Variants in GREB1L observed in about 807,000 individuals in gnomAD.
The protein encoded by GREB1L is GREB1-like protein.
A neutral mutation model predicts 200.8 loss-of-function variants in GREB1L; 17 were observed. The observed-to-expected ratio is 0.08, with a 90% confidence interval of 0.06 to 0.13. The LOEUF (loss-of-function observed/expected upper bound fraction) is 0.13. Among genes scored for constraint, GREB1L ranks in the 10% least tolerant of loss-of-function variants. The pLI, the probability that GREB1L is intolerant of heterozygous loss-of-function variation, is 1.00. For missense variants in GREB1L, 1,657 were observed against 2,367.7 expected (o/e 0.70, Z 6.23); for synonymous variants, 789 against 893.0 (o/e 0.88, Z 2.08).
In GREB1L at chr18:21,523,076, T is replaced by C; in HGVS notation, c.*255T>C. On this transcript the variant is annotated 3_prime_UTR_variant, in exon 33 of 33. Coordinates refer to ENST00000424526, the MANE Select transcript of GREB1L (RefSeq NM_001142966.3). ...TTATGCAATTACTTAAGATACGGTC[T>C]GCCCATGGGATCCTGAGGAGGATAT... The C allele has an allele frequency of 2.8e-6, 1 of 352,168 alleles. No individual in the cohort carries two copies. Among genetic ancestry groups the C allele is most frequent in the Non-Finnish European group, 5.1e-6 (1 of 195,316 alleles). 21.8% of individuals were successfully genotyped at this position (352,168 alleles called of 1,614,324 possible). A position where few individuals can be genotyped will look rare whatever the true frequency, so the allele number is the denominator to read the frequency against.
chr18:21,362,629 T>C (rs1256939786), intron 1 of GREB1L, among the ~76,000 whole-genome samples: 1 of 152,206 alleles, frequency 6.6e-6, no homozygotes, highest in Non-Finnish European at 1.5e-5. Context: ...GCTCGATATC[T>C]ATTCTAAAAA....
chr18:21,439,485 C>A (rs1450354112), intron 7 of GREB1L, 36 bp from the exon 8 acceptor site: 1 of 1,261,168 alleles, frequency 7.9e-7, no homozygotes. Flanking sequence ...CCCGCCCAGC[C>A]TCTGTTCTGA....
At chr18:21,516,574 T>G (rs934175885) in intron 29 of GREB1L, 39 bp from the exon 30 acceptor site, 1 of 1,538,246 alleles carries the variant, frequency 6.5e-7, no homozygotes, top group South Asian at 1.2e-5. Flanking sequence ...GGTTGAGATA[T>G]GCCAGCGGAA....
intron 27 of GREB1L, 124 bp downstream of exon 27, chr18:21,508,715 GAAAAA>G (rs35816889): frequency 2.1e-4 from 79 of 380,362 alleles, no homozygotes; most frequent in Middle Eastern, 7.4e-4. Flanking sequence ...CCACTCTTCG[GAAAAA>G]AAAAAAAAAA....
At chr18:21,350,108 T>C (rs1327317429) in intron 1 of GREB1L, among the ~76,000 whole-genome samples, 1 of 152,198 alleles carries the variant, frequency 6.6e-6, no homozygotes, top group Non-Finnish European at 1.5e-5. Flanking sequence ...CATGTCTAGA[T>C]TGGACTCTCT....
chr18:21,429,499 C>A (rs929964182), intron 7 of GREB1L, among the ~76,000 whole-genome samples: 4 of 151,532 alleles, frequency 2.6e-5, no homozygotes, highest in African/African-American at 9.7e-5. Context: ...CAAACCATGG[C>A]ACCCAGCCAT....
intron 15 of GREB1L, among the ~76,000 whole-genome samples, chr18:21,470,501 GT>G (rs1163354485): frequency 1.3e-4 from 19 of 151,910 alleles, no homozygotes; most frequent in African/African-American, 3.4e-4. Flanking sequence ...TACTGTAAAT[GT>G]TTTTTTAAAG....
chr18:21,483,982 G>A (rs8087889), intron 17 of GREB1L, among the ~76,000 whole-genome samples: 36,961 of 130,794 alleles, frequency 0.28, 6,995 homozygotes, highest in African/African-American at 0.51. Flanking sequence ...CAAAAAAAAA[G>A]AAAAAAAAAA....
Position 21,486,683 on chromosome 18 carries a change from G to GT in GREB1L, c.2690+937dup, listed in dbSNP as rs1205743407. On this transcript the variant is annotated intron_variant, in intron 18 of 32. Transcript: ENST00000424526. Reference sequence around the variant, plus strand: ...CATTTTCAGATTAAACTCTGAAAGAGTTTTTTTCCCTCTGTGACCTTGAAT... The same window carrying GT: ...CATTTTCAGATTAAACTCTGAAAGAGTTTTTTTTCCCTCTGTGACCTTGAAT... Among the ~76,000 whole-genome samples the GT allele has an allele frequency of 1.2e-4, 19 of 152,118 alleles. 1 individual carries two copies. Among genetic ancestry groups the GT allele is most frequent in the South Asian group, 2.1e-4 (1 of 4,818 alleles).
At chr18:21,520,117 T>G (rs1481877281) in intron 31 of GREB1L, among the ~76,000 whole-genome samples, 1 of 152,094 alleles carries the variant, frequency 6.6e-6, no homozygotes, top group Non-Finnish European at 1.5e-5. Flanking sequence ...TTTTTGTATT[T>G]TTTACTAGAG....
intron 1 of GREB1L, among the ~76,000 whole-genome samples, chr18:21,348,591 A>T (rs958398748): frequency 6.6e-6 from 1 of 152,038 alleles, no homozygotes; most frequent in Non-Finnish European, 1.5e-5. Flanking sequence ...CCTGGCCAAC[A>T]TGGTGAAACC....
At chr18:21,515,265 G>T (rs1798686437) in intron 28 of GREB1L, among the ~76,000 whole-genome samples, 152 bp from the exon 29 acceptor site, 1 of 152,158 alleles carries the variant, frequency 6.6e-6, no homozygotes, top group African/African-American at 2.4e-5. Context: ...TGAAAACTGG[G>T]CTTGACATTC....
chr18:21,359,614 G>A (rs1384526244), intron 1 of GREB1L, among the ~76,000 whole-genome samples: 2 of 152,134 alleles, frequency 1.3e-5, no homozygotes, highest in Non-Finnish European at 2.9e-5. Context: ...ATAGTGTCAC[G>A]ACTTGAGGAA....
At chr18:21,404,492 TGAATAACTA>T (rs1380829167) in intron 7 of GREB1L, among the ~76,000 whole-genome samples, 1 of 152,194 alleles carries the variant, frequency 6.6e-6, no homozygotes, top group Non-Finnish European at 1.5e-5. Flanking sequence ...GACTTGGTTA[TGAATAACTA>T]GATAAAATCT....
chr18:21,489,286 C>T (rs1468066670), intron 18 of GREB1L, among the ~76,000 whole-genome samples: 1 of 152,098 alleles, frequency 6.6e-6, no homozygotes, highest in South Asian at 2.1e-4. Flanking sequence ...CTTGACGGAG[C>T]CAGGTCTCAG....
intron 31 of GREB1L, among the ~76,000 whole-genome samples, chr18:21,518,479 T>G (rs1022724579): frequency 1.3e-5 from 2 of 152,228 alleles, no homozygotes; most frequent in African/African-American, 4.8e-5. Context: ...ATGCCTATTT[T>G]ATCTCCACAA....
rs867731887 is a variant in GREB1L at position 21,490,147 on chromosome 18, C to G, written c.2826C>G (p.Asp942Glu). 1 of 1,551,806 alleles carries G rather than the reference C, an allele frequency of 6.4e-7. No individual in the cohort carries two copies. Among genetic ancestry groups the G allele is most frequent in the Non-Finnish European group, 8.7e-7 (1 of 1,147,000 alleles). ...CAGAAACACTCAGCATTATGGATGA[C>G]CTCATCAGCTCCCCAGGCAAAAACA... ...STPETLSIMDDLISSPGKNKS... is the reference protein window; with the variant it reads ...STPETLSIMDELISSPGKNKS... Residue 942 changes from aspartate (D) to glutamate (E), a missense_variant, in exon 19 of 33, where the codon GAC becomes GAG. By Grantham distance (45) the Asp-to-Glu change is conservative. This residue lies in a region of GREB1L where 82 missense variants were observed against 95.9 expected (regional missense o/e 0.85). Coordinates refer to ENST00000424526, the MANE Select transcript of GREB1L (RefSeq NM_001142966.3).
chr18:21,520,458 T>C (rs1342170652), intron 31 of GREB1L, among the ~76,000 whole-genome samples: 1 of 152,248 alleles, frequency 6.6e-6, no homozygotes, highest in Non-Finnish European at 1.5e-5. Context: ...TAGTCCTTTA[T>C]TATGAAACAT....
intron 1 of GREB1L, among the ~76,000 whole-genome samples, chr18:21,299,861 A>G (rs1004389714): frequency 6.6e-6 from 1 of 152,182 alleles, no homozygotes; most frequent in Non-Finnish European, 1.5e-5. Context: ...GAAGGGGAAA[A>G]TATTTTAATT....
Sources: allele counts gnomAD v4.1 joint callset (sites outside exome capture counted in the v4.1 genomes callset), GRCh38; gene constraint gnomAD v4.1.1; regional missense constraint gnomAD v4.1.1; transcripts MANE v1.5; gene names NCBI Gene and HGNC (gene_info 2026-07-23, HGNC 2026-07-21).